The following FGF14 variants were observed in gnomAD, a reference collection of about 807,000 sequenced individuals.
FGF14 encodes the protein fibroblast growth factor 14.
Under a neutral mutation model 25.5 loss-of-function variants are expected in FGF14, and 5 were observed. That is an observed-to-expected ratio of 0.20 (90% CI 0.10 to 0.41). The LOEUF is 0.41. Ranked by LOEUF, FGF14 falls within the 10% of genes least tolerant of loss-of-function variation. The pLI is 1.00. For missense variants in FGF14, 222 were observed against 320.1 expected, an observed-to-expected ratio of 0.69 and a Z score of 2.34; for synonymous variants, 138 against 118.3, an observed-to-expected ratio of 1.17 and a Z score of -1.08.
chr13:102,143,236 C>T (rs781058154), intron 1 of FGF14, among the ~76,000 whole-genome samples: 6 of 152,062 alleles, frequency 3.9e-5, no homozygotes, highest in African/African-American at 9.7e-5. Flanking sequence ...ATGCTTTGTC[C>T]TCTAGAATTT....
chr13:101,854,409 G>C (rs758668826), intron 3 of FGF14, among the ~76,000 whole-genome samples: 1 of 152,056 alleles, frequency 6.6e-6, no homozygotes, highest in Non-Finnish European at 1.5e-5. Context: ...AGAGAGAGGA[G>C]AATACTGCTG....
chr13:102,020,394 C>G (rs928171786), intron 1 of FGF14, among the ~76,000 whole-genome samples: 1 of 151,694 alleles, frequency 6.6e-6, no homozygotes, highest in Non-Finnish European at 1.5e-5. Flanking sequence ...ACTAAAAATA[C>G]AAAATTAGCC....
chr13:102,050,023 C>T (rs1324288866), intron 1 of FGF14, among the ~76,000 whole-genome samples: 1 of 152,176 alleles, frequency 6.6e-6, no homozygotes, highest in African/African-American at 2.4e-5. Flanking sequence ...GCCCTCCTAG[C>T]AAACTAATAC....
At chr13:102,145,855 G>T (rs1380959901) in intron 1 of FGF14, among the ~76,000 whole-genome samples, 14 of 152,146 alleles carry the variant, frequency 9.2e-5, no homozygotes, top group African/African-American at 3.1e-4. Flanking sequence ...TTATTTGAGT[G>T]CAAGAGATAT....
intron 1 of FGF14, among the ~76,000 whole-genome samples, chr13:102,113,252 C>G (rs938201712): frequency 2.0e-5 from 3 of 152,138 alleles, no homozygotes; most frequent in Non-Finnish European, 2.9e-5. Context: ...CAAGAGGAAC[C>G]ACCTTCCTGA....
intron 1 of FGF14, among the ~76,000 whole-genome samples, chr13:101,999,355 T>C (rs1425180319): frequency 6.6e-6 from 1 of 152,130 alleles, no homozygotes; most frequent in Non-Finnish European, 1.5e-5. Context: ...CATGGTGTGG[T>C]AGTCTGGGTC....
At chr13:102,058,176 T>C (rs919761587) in intron 1 of FGF14, among the ~76,000 whole-genome samples, 1 of 152,222 alleles carries the variant, frequency 6.6e-6, no homozygotes, top group Non-Finnish European at 1.5e-5. Flanking sequence ...ACATGTCTCC[T>C]GCTTATATGG....
At chr13:101,830,829 G>A (rs941801262) in intron 3 of FGF14, among the ~76,000 whole-genome samples, 1 of 152,022 alleles carries the variant, frequency 6.6e-6, no homozygotes, top group South Asian at 2.1e-4. Flanking sequence ...TCTAGGGAGA[G>A]AATCTACCTT....
intron 1 of FGF14, among the ~76,000 whole-genome samples, chr13:101,957,039 A>C (rs2036560031): frequency 1.3e-5 from 2 of 152,174 alleles, no homozygotes; most frequent in African/African-American, 4.8e-5. Context: ...ATAGAAATTT[A>C]ATCAAGAATC....
intron 4 of FGF14, among the ~76,000 whole-genome samples, chr13:101,724,580 T>C (rs1321096204): frequency 8.6e-6 from 1 of 116,696 alleles, no homozygotes; most frequent in Non-Finnish European, 1.8e-5. Flanking sequence ...ACCCTAGAAC[T>C]TAAAGTATAA....
chr13:102,329,264 T>C (rs2056560808), intron 1 of FGF14, among the ~76,000 whole-genome samples: 1 of 152,216 alleles, frequency 6.6e-6, no homozygotes, highest in Non-Finnish European at 1.5e-5. Context: ...GCTCCAAGGC[T>C]GAGAGCTGGC....
intron 1 of FGF14, among the ~76,000 whole-genome samples, chr13:101,943,393 G>C (rs188412699): frequency 5.9e-5 from 9 of 152,258 alleles, no homozygotes; most frequent in Admixed American, 5.9e-4. Context: ...CCACCCCCAG[G>C]GGTAATTTGG....
At chr13:102,019,481 T>A (rs1314585770) in intron 1 of FGF14, among the ~76,000 whole-genome samples, 3 of 152,080 alleles carry the variant, frequency 2.0e-5, no homozygotes, top group Non-Finnish European at 4.4e-5. Context: ...CAGATAAACA[T>A]CCCATCTGTC....
chr13:102,379,193 C>T (rs2058118063), intron 1 of FGF14, among the ~76,000 whole-genome samples: 1 of 152,100 alleles, frequency 6.6e-6, no homozygotes, highest in Non-Finnish European at 1.5e-5. Flanking sequence ...AAGAGCTCTA[C>T]TTTCAAGTTT....
chr13:102,349,327 T>C (rs1221372733), intron 1 of FGF14, among the ~76,000 whole-genome samples: 1 of 151,836 alleles, frequency 6.6e-6, no homozygotes, highest in Non-Finnish European at 1.5e-5. Flanking sequence ...CTTCCCTTTA[T>C]ACCCAAACTT....
intron 1 of FGF14, among the ~76,000 whole-genome samples, chr13:101,905,656 C>G (rs191201862): frequency 3.9e-5 from 6 of 152,028 alleles, no homozygotes; most frequent in Admixed American, 2.0e-4. Context: ...ACCTATGTAA[C>G]AAAACTGCAC....
intron 1 of FGF14, among the ~76,000 whole-genome samples, chr13:102,161,995 T>C (rs2047798621): frequency 6.6e-6 from 1 of 152,156 alleles, no homozygotes; most frequent in Admixed American, 6.6e-5. Flanking sequence ...GATGTGTTAA[T>C]ATTACTCTAT....
chr13:102,157,003 A>G (rs1242453329), intron 1 of FGF14, among the ~76,000 whole-genome samples: 1 of 152,224 alleles, frequency 6.6e-6, no homozygotes, highest in African/African-American at 2.4e-5. Flanking sequence ...GAATGAAATA[A>G]AAGATGACAC....
At chr13:102,007,208 A>AAAAGG in intron 1 of FGF14, among the ~76,000 whole-genome samples, 1 of 152,236 alleles carries the variant, frequency 6.6e-6, no homozygotes, top group Non-Finnish European at 1.5e-5. Context: ...TAGAGAAAAC[A>AAAAGG]AAAGGAAAGG....
Sources: gnomAD v4.1 joint callset for allele counts (sites outside exome capture counted in the v4.1 genomes callset) on GRCh38, gnomAD v4.1.1 for gene constraint, MANE v1.5 for transcripts, NCBI Gene and HGNC (gene_info 2026-07-23, HGNC 2026-07-21) for gene names.